DIP2C: variants seen among roughly 807,000 people sequenced by gnomAD.
DIP2C encodes DIP2 acetate--CoA ligase C (putative), also known as disco-interacting protein 2 homolog C.
In DIP2C, 33 loss-of-function variants were observed where a neutral mutation model predicts 192.4. The observed-to-expected ratio is 0.17, with a 90% confidence interval of 0.13 to 0.23. The LOEUF is 0.23. Ranked by LOEUF, DIP2C falls within the 10% of genes least tolerant of loss-of-function variation. The pLI is 1.00. For synonymous variants in DIP2C, 979 were observed against 864.1 expected (o/e 1.13, Z -2.33); for missense variants, 1,537 against 2,110.1 (o/e 0.73, Z 5.32).
chr10:438,935 C>G (rs975037601), intron 4 of DIP2C, among the ~76,000 whole-genome samples: 1 of 151,992 alleles, frequency 6.6e-6, no homozygotes, highest in Non-Finnish European at 1.5e-5. Context: ...GATTTTTCCA[C>G]CTCAGCCTCC....
chr10:439,437 G>T (rs1967548900), intron 4 of DIP2C, among the ~76,000 whole-genome samples: 1 of 152,082 alleles, frequency 6.6e-6, no homozygotes, highest in African/African-American at 2.4e-5. Context: ...CAACAACATA[G>T]GAACACCCTG....
intron 1 of DIP2C, among the ~76,000 whole-genome samples, chr10:627,734 G>A (rs1854286191): frequency 6.6e-6 from 1 of 152,278 alleles, no homozygotes; most frequent in Non-Finnish European, 1.5e-5. Flanking sequence ...GAGCGAGGCT[G>A]CGCCCAAAAG....
intron 32 of DIP2C, among the ~76,000 whole-genome samples, chr10:300,636 G>A (rs1267883783): frequency 1.3e-5 from 2 of 150,028 alleles, no homozygotes; most frequent in Non-Finnish European, 3.0e-5. Flanking sequence ...GCGCGGCCCT[G>A]AGCGTGTGGA....
At chr10:317,792 C>T (rs1956838974) in intron 31 of DIP2C, among the ~76,000 whole-genome samples, 1 of 152,230 alleles carries the variant, frequency 6.6e-6, no homozygotes, top group Non-Finnish European at 1.5e-5. Context: ...ACATGATTAT[C>T]TGTTCAGTGC....
At chr10:374,566 T>C (rs528365407) in intron 17 of DIP2C, among the ~76,000 whole-genome samples, 2 of 152,400 alleles carry the variant, frequency 1.3e-5, no homozygotes, top group East Asian at 3.9e-4. Context: ...AATCTCAGTC[T>C]GGCTTCAGAA....
chr10:358,906 AAAT>A (rs1959191214), intron 22 of DIP2C, among the ~76,000 whole-genome samples: 1 of 151,792 alleles, frequency 6.6e-6, no homozygotes, highest in Non-Finnish European at 1.5e-5. Flanking sequence ...ATTGCAGGTA[AAAT>A]AACAATGATA....
At chr10:379,532 T>C (rs1340069821) in intron 17 of DIP2C, among the ~76,000 whole-genome samples, 1 of 152,118 alleles carries the variant, frequency 6.6e-6, no homozygotes, top group East Asian at 1.9e-4. Flanking sequence ...AGCCCAGATG[T>C]CCATGCTTGG....
intron 3 of DIP2C, among the ~76,000 whole-genome samples, chr10:466,502 C>A (rs1023252690): frequency 7.2e-6 from 1 of 138,844 alleles, no homozygotes; most frequent in East Asian, 2.2e-4. Flanking sequence ...GTCCAAAACA[C>A]CAAAAGCAAT....
At chr10:283,742 C>T (rs1279486681) in intron 34 of DIP2C, among the ~76,000 whole-genome samples, 1 of 152,152 alleles carries the variant, frequency 6.6e-6, no homozygotes, top group Non-Finnish European at 1.5e-5. Context: ...AAAATATACA[C>T]ATCAAATGAA....
intron 1 of DIP2C, among the ~76,000 whole-genome samples, chr10:647,867 G>A (rs899615846): frequency 1.3e-5 from 2 of 149,610 alleles, no homozygotes; most frequent in Admixed American, 6.6e-5. Context: ...AGAGAACAGA[G>A]GGAAACTGAG....
chr10:609,369 C>T (rs903481369), intron 1 of DIP2C, among the ~76,000 whole-genome samples: 3 of 152,186 alleles, frequency 2.0e-5, no homozygotes, highest in Admixed American at 6.5e-5. Flanking sequence ...AAAATAAAAG[C>T]ATCAAATAGA....
chr10:659,157 T>A (rs919967788), intron 1 of DIP2C, among the ~76,000 whole-genome samples: 1 of 152,186 alleles, frequency 6.6e-6, no homozygotes, highest in Admixed American at 6.5e-5. Flanking sequence ...TGCATACACA[T>A]AACATGCACA....
At chr10:356,060 A>G (rs887771623) in intron 24 of DIP2C, among the ~76,000 whole-genome samples, 7 of 152,262 alleles carry the variant, frequency 4.6e-5, no homozygotes, top group African/African-American at 1.7e-4. Flanking sequence ...AGCCTGGGCA[A>G]CAGAGCGAGA....
chr10:603,434 T>C (rs563711444), intron 1 of DIP2C, among the ~76,000 whole-genome samples: 24 of 151,572 alleles, frequency 1.6e-4, no homozygotes, highest in Middle Eastern at 6.8e-3. Flanking sequence ...GACCTCTGTC[T>C]CTGATGTGCT....
intron 17 of DIP2C, among the ~76,000 whole-genome samples, chr10:372,118 C>A (rs1961036305): frequency 6.6e-6 from 1 of 150,858 alleles, no homozygotes; most frequent in East Asian, 1.9e-4. Flanking sequence ...CTCTGTCACC[C>A]AGGCTGCAGT....
At chr10:470,272 A>ATAT (rs1970523895) in intron 3 of DIP2C, among the ~76,000 whole-genome samples, 1 of 152,158 alleles carries the variant, frequency 6.6e-6, no homozygotes, top group Non-Finnish European at 1.5e-5. Context: ...GTGTGTGAAG[A>ATAT]GGCGCCATAT....
At chr10:468,286 G>T (rs1033647364) in intron 3 of DIP2C, among the ~76,000 whole-genome samples, 1 of 152,062 alleles carries the variant, frequency 6.6e-6, no homozygotes, top group Non-Finnish European at 1.5e-5. Context: ...AAACAGCAAA[G>T]AATAAGGAAA....
chr10:546,084 C>G (rs1241908276), intron 1 of DIP2C, among the ~76,000 whole-genome samples: 1 of 151,996 alleles, frequency 6.6e-6, no homozygotes, highest in African/African-American at 2.4e-5. Flanking sequence ...GAGTTCCAGA[C>G]CGGCCTGACC....
At chr10:389,743 C>T (rs1963303977) in intron 13 of DIP2C, among the ~76,000 whole-genome samples, 1 of 152,222 alleles carries the variant, frequency 6.6e-6, no homozygotes, top group African/African-American at 2.4e-5. Flanking sequence ...TGGGAACTGC[C>T]CAAGGACACG....
Sources: allele counts gnomAD v4.1 joint callset (sites outside exome capture counted in the v4.1 genomes callset), GRCh38; gene constraint gnomAD v4.1.1; transcripts MANE v1.5; gene names NCBI Gene and HGNC (gene_info 2026-07-23, HGNC 2026-07-21).